DNMT3A: variants seen among roughly 807,000 people sequenced by gnomAD.
The protein encoded by DNMT3A is DNA (cytosine-5)-methyltransferase 3A.
A neutral mutation model predicts 117.6 loss-of-function variants in DNMT3A; 267 were observed. That is an observed-to-expected ratio of 2.27 (90% CI 2.05 to 2.51). DNMT3A has a LOEUF of 2.51. DNMT3A is among the 30% of genes most tolerant of loss of function. The pLI, the probability that DNMT3A is intolerant of heterozygous loss-of-function variation, is 0.00. For missense variants in DNMT3A, 1,029 were observed against 1,260.2 expected, an observed-to-expected ratio of 0.82 and a Z score of 2.78; for synonymous variants, 432 against 474.8, an observed-to-expected ratio of 0.91 and a Z score of 1.17.
At chr2:25,319,905 G>T (rs2034530667) in intron 1 of DNMT3A, among the ~76,000 whole-genome samples, 1 of 152,042 alleles carries the variant, frequency 6.6e-6, no homozygotes, top group Admixed American at 6.5e-5. Context: ...GAGTAGCTGG[G>T]ATTACAGGCA....
At chr2:25,317,586 G>A (rs917474894) in intron 1 of DNMT3A, among the ~76,000 whole-genome samples, 1 of 152,244 alleles carries the variant, frequency 6.6e-6, no homozygotes, top group Non-Finnish European at 1.5e-5. Flanking sequence ...GAGAGGCTGA[G>A]TGAGAGTAGT....
chr2:25,246,870 A>T, intron 9 of DNMT3A, 94 bp from the exon 10 acceptor site: 1 of 1,558,180 alleles, frequency 6.4e-7, no homozygotes, highest in Non-Finnish European at 8.7e-7. Context: ...TGAGGGTGGC[A>T]CAGGCAAGAT....
Position 25,233,217 on chromosome 2 carries a change from T to G in DNMT3A, c.*1062A>C, listed in dbSNP as rs900150331. 1 of 233,552 alleles carries G rather than the reference T, an allele frequency of 4.3e-6. No individual in the cohort carries two copies. Among genetic ancestry groups the G allele is most frequent in the African/African-American group, 2.2e-5 (1 of 45,298 alleles). 14.5% of individuals were successfully genotyped at this position (233,552 alleles called of 1,614,324 possible). A position where few individuals can be genotyped will look rare whatever the true frequency, so the allele number is the denominator to read the frequency against. On this transcript the variant is annotated 3_prime_UTR_variant, in exon 23 of 23. Transcript: ENST00000321117. ...TCAGCTGTCCACGGGCCCGACCACC[T>G]CATCTAGCCCCCTTTTTGGCAGGGA...
chr2:25,338,982 A>T (rs1248701132), intron 1 of DNMT3A, among the ~76,000 whole-genome samples: 1 of 152,188 alleles, frequency 6.6e-6, no homozygotes, highest in Non-Finnish European at 1.5e-5. Context: ...GCCGAGGCTT[A>T]AAGGAGGCTG....
chr2:25,324,926 A>G (rs992753694), intron 1 of DNMT3A, among the ~76,000 whole-genome samples: 2 of 152,206 alleles, frequency 1.3e-5, no homozygotes, highest in African/African-American at 4.8e-5. Flanking sequence ...AAGCTGATTT[A>G]TCTGGCTCTA....
intron 5 of DNMT3A, 32 bp from the exon 6 acceptor site, chr2:25,275,119 G>A (rs1162515690): frequency 2.0e-6 from 3 of 1,536,702 alleles, no homozygotes; most frequent in Non-Finnish European, 2.6e-6. Context: ...TAGGGCATTA[G>A]GGTGGGCACT....
chr2:25,241,513 G>T, intron 17 of DNMT3A, 49 bp downstream of exon 17: 1 of 1,572,094 alleles, frequency 6.4e-7, no homozygotes. Context: ...TCCAGGTGCT[G>T]AGTGTGCAGG....
intron 6 of DNMT3A, 35 bp downstream of exon 6, chr2:25,274,906 G>A: frequency 6.3e-7 from 1 of 1,589,740 alleles, no homozygotes; most frequent in South Asian, 1.1e-5. Flanking sequence ...CAGTTCTGCA[G>A]GACGGGCTGG....
At chr2:25,250,270 C>T (rs1175326930) in intron 6 of DNMT3A, among the ~76,000 whole-genome samples, 2 of 152,192 alleles carry the variant, frequency 1.3e-5, no homozygotes, top group African/African-American at 2.4e-5. Context: ...TTCACTGAGT[C>T]TTCAAGTCTT....
chr2:25,263,243 A>G (rs1465435523), intron 6 of DNMT3A, among the ~76,000 whole-genome samples: 1 of 152,078 alleles, frequency 6.6e-6, no homozygotes, highest in African/African-American at 2.4e-5. Flanking sequence ...ACTTACTGAA[A>G]TTCTCAAAGG....
chr2:25,240,299 TACCTCG>T lies in DNMT3A; in HGVS notation c.2319_2322+2del. The stretch of plus-strand genomic sequence containing the variant: ...CTGGCCAAACCAAGGTTGCTGGCTA[TACCTCG>T]AGAAATCGCGAGATGTCCCTCTTGT... On this transcript the variant is annotated splice_donor_variant and coding_sequence_variant, in exon 19 of 23. Coordinates refer to ENST00000321117, the MANE Select transcript of DNMT3A (RefSeq NM_022552.5). LOFTEE classifies it high-confidence loss of function. 1 of 1,614,168 alleles carries T rather than the reference TACCTCG, an allele frequency of 6.2e-7. No homozygotes were observed. Among genetic ancestry groups the T allele is most frequent in the Non-Finnish European group, 8.5e-7 (1 of 1,180,002 alleles).
chr2:25,247,588 T>TA lies in DNMT3A; in HGVS notation c.1014+2dup. On this transcript the variant is annotated splice_region_variant and intron_variant, in intron 8 of 22. Transcript: ENST00000321117. The surrounding 1 kb of genome is among the most constrained non-coding windows in gnomAD (Gnocchi z 5.6). ...CAGGCTACTGCCAAACCCCACAACT[T>TA]ACCACTGAGAATTTGCCGTCTCCGA... 6.2e-7 allele frequency: 1 copy of TA among 1,613,426 alleles called. No homozygotes were observed. The highest frequency in any genetic ancestry group is 1.1e-5 in the South Asian group (1 of 91,032).
At chr2:25,267,239 G>A (rs781364801) in intron 6 of DNMT3A, among the ~76,000 whole-genome samples, 7 of 152,120 alleles carry the variant, frequency 4.6e-5, no homozygotes, top group African/African-American at 1.7e-4. Flanking sequence ...AAATCATGAC[G>A]TTACACCAAA....
intron 1 of DNMT3A, among the ~76,000 whole-genome samples, chr2:25,325,376 G>T (rs2034747248): frequency 6.6e-6 from 1 of 152,186 alleles, no homozygotes; most frequent in African/African-American, 2.4e-5. Context: ...CATGGTCCTG[G>T]ATGGGGTCTG....
Position 25,304,341 on chromosome 2 carries a change from A to C in DNMT3A, c.73-4098T>G, listed in dbSNP as rs1483997237. 6.6e-6 allele frequency among the ~76,000 whole-genome samples: 1 copy of C among 152,188 alleles called. No individual in the cohort carries two copies. The highest frequency in any genetic ancestry group is 2.4e-5 in the African/African-American group (1 of 41,430). ...ACAGTGATGTTATAAGAATTAAATGAGGTGATGTAGCAAAAGCTGACACGT... is the reference window on the plus strand; with the variant it reads ...ACAGTGATGTTATAAGAATTAAATGCGGTGATGTAGCAAAAGCTGACACGT... On this transcript the variant is annotated intron_variant, in intron 2 of 22. Transcript: ENST00000321117. The surrounding 1 kb of genome is among the most constrained non-coding windows in gnomAD (Gnocchi z 4.3).
At position 25,306,815 on chromosome 2, in the gene DNMT3A, G is replaced by A. The variant is rs1358133137; in HGVS notation, c.73-6572C>T. Among the ~76,000 whole-genome samples, 5 of 152,216 alleles carry A rather than the reference G, an allele frequency of 3.3e-5. No individual in the cohort carries two copies. Among genetic ancestry groups the A allele is most frequent in the Admixed American group, 6.5e-5 (1 of 15,280 alleles). ...ACAAAGATAAACAAATAGGAAACTC[G>A]GTTCAGAGGGAGACAACAACATGTA... On this transcript the variant is annotated intron_variant, in intron 2 of 22. Coordinates refer to ENST00000321117, the MANE Select transcript of DNMT3A (RefSeq NM_022552.5). This position sits in a 1 kb window ranked among gnomAD's most constrained non-coding sequence, Gnocchi z 4.1.
At position 25,286,162 on chromosome 2, in the gene DNMT3A, C is replaced by T. The variant is rs531621213; in HGVS notation, c.178-3451G>A. On this transcript the variant is annotated intron_variant, in intron 3 of 22. Coordinates refer to ENST00000321117, the MANE Select transcript of DNMT3A (RefSeq NM_022552.5). This position sits in a 1 kb window ranked among gnomAD's most constrained non-coding sequence, Gnocchi z 4.3. ...CATGGCCTCCTCTCATGCTGGGACT[C>T]ACTTCCTGTTGACTGCTGGCTCCGT... 5.9e-5 allele frequency among the ~76,000 whole-genome samples: 9 copies of T among 152,382 alleles called. No homozygotes were observed. Among genetic ancestry groups the T allele is most frequent in the African/African-American group, 1.9e-4 (8 of 41,590 alleles).
At position 25,282,279 on chromosome 2, in the gene DNMT3A, A is replaced by G; in HGVS notation, c.448+162T>C. 1 of 1,432,766 alleles carries G rather than the reference A, an allele frequency of 7.0e-7. No individual in the cohort carries two copies. Among genetic ancestry groups the G allele is most frequent in the East Asian group, 2.6e-5 (1 of 38,622 alleles). 88.8% of individuals were successfully genotyped at this position (1,432,766 alleles called of 1,614,324 possible). On this transcript the variant is annotated intron_variant, in intron 4 of 22. Transcript: ENST00000321117. This position sits in a 1 kb window ranked among gnomAD's most constrained non-coding sequence, Gnocchi z 5.2. ...TATGGGCCAAATAAAACATATGCGC[A>G]GGCTGCATCCAGCCAGTAGCCTCCA...
At chr2:25,251,521 C>T (rs1295131467) in intron 6 of DNMT3A, among the ~76,000 whole-genome samples, 1 of 152,178 alleles carries the variant, frequency 6.6e-6, no homozygotes, top group African/African-American at 2.4e-5. Flanking sequence ...GTCCCATCTC[C>T]TCAGGCAGTT....
Sources: gnomAD v4.1 joint callset for allele counts (sites outside exome capture counted in the v4.1 genomes callset) on GRCh38, gnomAD v4.1.1 for gene constraint, Gnocchi (gnomAD v3.1) non-coding constraint, MANE v1.5 for transcripts, NCBI Gene and HGNC (gene_info 2026-07-23, HGNC 2026-07-21) for gene names.